The following GSK3B variants were observed in gnomAD, a reference collection of about 807,000 sequenced individuals.
GSK3B encodes glycogen synthase kinase-3 beta.
A neutral mutation model predicts 56.4 loss-of-function variants in GSK3B; 15 were observed. The observed-to-expected ratio is 0.27, with a 90% confidence interval of 0.18 to 0.41. GSK3B has a LOEUF of 0.41. Ranked by LOEUF, GSK3B falls within the 10% of genes least tolerant of loss-of-function variation. The pLI is 1.00. For missense variants in GSK3B, 300 were observed against 513.4 expected (o/e 0.58, Z 4.02); for synonymous variants, 181 against 188.9 (o/e 0.96, Z 0.34).
At chr3:120,048,815 T>C (rs2058124496) in intron 1 of GSK3B, among the ~76,000 whole-genome samples, 1 of 152,204 alleles carries the variant, frequency 6.6e-6, no homozygotes, top group Non-Finnish European at 1.5e-5. Flanking sequence ...ATAACAGTAC[T>C]TTTAGTATGA....
At chr3:119,901,416 G>A (rs1312286683) in intron 7 of GSK3B, among the ~76,000 whole-genome samples, 1 of 152,112 alleles carries the variant, frequency 6.6e-6, no homozygotes, top group African/African-American at 2.4e-5. Context: ...GCTTAGAAAT[G>A]ATTTTCCATG....
chr3:120,045,381 C>A (rs370072519), intron 1 of GSK3B, among the ~76,000 whole-genome samples: 3 of 152,284 alleles, frequency 2.0e-5, no homozygotes, highest in South Asian at 2.1e-4. Context: ...TAATCAATAA[C>A]TCACATCTGT....
At position 120,007,506 on chromosome 3, in the gene GSK3B, C is replaced by T. The variant is rs145048526; in HGVS notation, c.89-5267G>A. Among the ~76,000 whole-genome samples, 1,069 of 152,182 alleles carry T rather than the reference C, an allele frequency of 7.0e-3. 8 individuals are homozygous for T. Among genetic ancestry groups the T allele is most frequent in the Non-Finnish European group, 8.9e-3 (608 of 68,002 alleles). On this transcript the variant is annotated intron_variant, in intron 1 of 10. Transcript: ENST00000264235. ...CCAATATCCCTGATGAACACTGATG[C>T]GAAAATCCTCAATGAAATACTGGCA...
chr3:119,943,183 T>C (rs2057066920), intron 3 of GSK3B, among the ~76,000 whole-genome samples: 1 of 152,310 alleles, frequency 6.6e-6, no homozygotes, highest in African/African-American at 2.4e-5. Context: ...AAAATAGACA[T>C]ATCATTCAGT....
At chr3:119,918,753 G>T (rs759022120) in intron 4 of GSK3B, among the ~76,000 whole-genome samples, 13 of 152,016 alleles carry the variant, frequency 8.6e-5, no homozygotes, top group Non-Finnish European at 1.8e-4. Context: ...TTTATTCAAA[G>T]TTGGTACAAA....
chr3:120,073,892 A>G (rs770087225), intron 1 of GSK3B, among the ~76,000 whole-genome samples: 2 of 152,218 alleles, frequency 1.3e-5, no homozygotes, highest in Non-Finnish European at 2.9e-5. Flanking sequence ...CAATAAAACA[A>G]AGAGTTGGTT....
chr3:120,063,031 C>A (rs1017455850), intron 1 of GSK3B, among the ~76,000 whole-genome samples: 1 of 152,134 alleles, frequency 6.6e-6, no homozygotes, highest in Non-Finnish European at 1.5e-5. Context: ...ATTCAGGACT[C>A]TTTTCTCATT....
At chr3:119,996,596 GTTTT>G (rs61610113) in intron 2 of GSK3B, among the ~76,000 whole-genome samples, 1 of 140,262 alleles carries the variant, frequency 7.1e-6, no homozygotes. Context: ...TTTATTTAGT[GTTTT>G]TTTTTTTAAT....
At chr3:119,962,203 C>T (rs139260337) in intron 2 of GSK3B, among the ~76,000 whole-genome samples, 3,932 of 152,066 alleles carry the variant, frequency 0.026, 174 homozygotes, top group African/African-American at 0.089. Context: ...TGGAGAAACC[C>T]TGTCTCTAGT....
intron 1 of GSK3B, among the ~76,000 whole-genome samples, chr3:120,083,627 C>T (rs1293771550): frequency 2.6e-5 from 4 of 152,094 alleles, no homozygotes. Flanking sequence ...AGAGAGTTAC[C>T]ATATCACCCA....
intron 1 of GSK3B, among the ~76,000 whole-genome samples, chr3:120,045,572 G>A (rs558146256): frequency 2.0e-5 from 3 of 152,218 alleles, no homozygotes; most frequent in African/African-American, 7.2e-5. Context: ...CAGCCCACAG[G>A]GGAGTGACAC....
intron 10 of GSK3B, among the ~76,000 whole-genome samples, chr3:119,834,495 A>G (rs1026720758): frequency 6.6e-6 from 1 of 152,308 alleles, no homozygotes; most frequent in Non-Finnish European, 1.5e-5. Flanking sequence ...AGACCTGTCA[A>G]TAAGACTGTT....
intron 1 of GSK3B, among the ~76,000 whole-genome samples, chr3:120,026,536 C>CACAA (rs1359938794): frequency 7.0e-6 from 1 of 143,342 alleles, no homozygotes; most frequent in Non-Finnish European, 1.5e-5. Context: ...CACACACACA[C>CACAA]ACACACACAC....
intron 1 of GSK3B, among the ~76,000 whole-genome samples, chr3:120,036,792 C>CAAAAAAA (rs560163237): frequency 1.6e-4 from 10 of 64,308 alleles, no homozygotes; most frequent in African/African-American, 2.2e-4. Flanking sequence ...GACTCCGACT[C>CAAAAAAA]AAAAAAAAAA....
intron 1 of GSK3B, among the ~76,000 whole-genome samples, chr3:120,018,035 T>C (rs1338951513): frequency 6.6e-6 from 1 of 152,210 alleles, no homozygotes; most frequent in Non-Finnish European, 1.5e-5. Context: ...CAGTTTTCCC[T>C]AGGACCAATC....
At chr3:119,843,465 G>T (rs538485754) in intron 9 of GSK3B, 112 bp from the exon 10 acceptor site, 2 of 502,938 alleles carry the variant, frequency 4.0e-6, no homozygotes, top group African/African-American at 4.0e-5. Context: ...AGTTTATGCC[G>T]GGCGCAGTGG....
chr3:119,950,389 A>G (rs2057146048), intron 2 of GSK3B, among the ~76,000 whole-genome samples: 1 of 152,004 alleles, frequency 6.6e-6, no homozygotes. Flanking sequence ...GTGAAGATCT[A>G]GGGAAGATGG....
intron 9 of GSK3B, among the ~76,000 whole-genome samples, chr3:119,861,506 G>A (rs1299491236): frequency 1.4e-5 from 2 of 141,962 alleles, no homozygotes; most frequent in South Asian, 2.3e-4. Context: ...GTGAGACTCC[G>A]TCTCAAAAAA....
At chr3:120,006,573 C>T (rs1232677540) in intron 1 of GSK3B, among the ~76,000 whole-genome samples, 1 of 152,138 alleles carries the variant, frequency 6.6e-6, no homozygotes, top group African/African-American at 2.4e-5. Context: ...TCTCTCAGAC[C>T]ACAGTGCAAT....
Sources: allele counts gnomAD v4.1 joint callset (sites outside exome capture counted in the v4.1 genomes callset), GRCh38; gene constraint gnomAD v4.1.1; transcripts MANE v1.5; gene names NCBI Gene and HGNC (gene_info 2026-07-23, HGNC 2026-07-21).